The following ADAMTSL1 variants were observed in gnomAD, a reference collection of about 807,000 sequenced individuals.
The protein encoded by ADAMTSL1 is ADAMTS like 1, also known as ADAMTS-like protein 1.
Under a neutral mutation model 201.8 loss-of-function variants are expected in ADAMTSL1, and 126 were observed. That is an observed-to-expected ratio of 0.62 (90% CI 0.54 to 0.72). The LOEUF (loss-of-function observed/expected upper bound fraction) is 0.72, where lower values mean the gene tolerates loss of function less well. ADAMTSL1 is among the 30% of genes least tolerant of loss of function. ADAMTSL1 has a pLI of 0.00. For missense variants in ADAMTSL1, 2,679 were observed against 2,277.8 expected, an observed-to-expected ratio of 1.18 and a Z score of -3.59; for synonymous variants, 1,121 against 903.4, an observed-to-expected ratio of 1.24 and a Z score of -4.32.
At position 18,253,831 on chromosome 9, in the gene ADAMTSL1, A is replaced by C. The variant is rs569709714; in HGVS notation, c.207+89850A>C. Among the ~76,000 whole-genome samples the C allele has an allele frequency of 2.0e-5, 3 of 152,240 alleles. No individual in the cohort carries two copies. In the South Asian group the frequency reaches 6.2e-4, roughly 32 times the overall value. On this transcript the variant is annotated intron_variant, in intron 2 of 29. Transcript: ENST00000680146. ...CCACTAGAATCTTAGCTTCACACAC[A>C]CTACTAAAGCTGTAGTTCTTAGGTA...
intron 10 of ADAMTSL1, among the ~76,000 whole-genome samples, chr9:18,678,435 T>G (rs1407685710): frequency 1.3e-5 from 2 of 152,190 alleles, no homozygotes; most frequent in African/African-American, 4.8e-5. Context: ...AGTATTCACA[T>G]GATAATTTTC....
At chr9:18,368,725 T>A (rs1341696911) in intron 2 of ADAMTSL1, among the ~76,000 whole-genome samples, 1 of 152,242 alleles carries the variant, frequency 6.6e-6, no homozygotes, top group Non-Finnish European at 1.5e-5. Flanking sequence ...GTTAGAACCA[T>A]CATCCTGGAT....
chr9:18,747,120 T>G (rs1057287005), intron 15 of ADAMTSL1, among the ~76,000 whole-genome samples: 6 of 152,210 alleles, frequency 3.9e-5, no homozygotes, highest in Non-Finnish European at 8.8e-5. Context: ...ATTAATACTT[T>G]GTTCTATTGA....
intron 2 of ADAMTSL1, among the ~76,000 whole-genome samples, chr9:18,298,391 C>A (rs971749895): frequency 6.6e-6 from 1 of 152,032 alleles, no homozygotes; most frequent in Non-Finnish European, 1.5e-5. Flanking sequence ...TGTTCTTATC[C>A]AAAATGAAAG....
chr9:18,816,999 A>G, intron 20 of ADAMTSL1, 110 bp from the exon 21 acceptor site: 1 of 1,394,000 alleles, frequency 7.2e-7, no homozygotes, highest in Non-Finnish European at 9.5e-7. Context: ...GTTAGTGGCA[A>G]AAGTCTGGGT....
At chr9:18,396,613 T>C (rs918982611) in intron 2 of ADAMTSL1, among the ~76,000 whole-genome samples, 1 of 149,724 alleles carries the variant, frequency 6.7e-6, no homozygotes, top group African/African-American at 2.4e-5. Context: ...ATTTTTATAA[T>C]ATTATTTTTA....
rs985247654 is a variant in ADAMTSL1 at position 18,908,573 on chromosome 9, A to C, written c.*25A>C. On this transcript the variant is annotated 3_prime_UTR_variant, in exon 29 of 29. Transcript: ENST00000380548. The stretch of plus-strand genomic sequence containing the variant: ...AAGATAGGGTGTGGGGAAAAACTCT[A>C]CCCTGGCCACACGAAGGACTCACGC... The C allele has an allele frequency of 6.5e-7, 1 of 1,535,626 alleles. No individual in the cohort carries two copies. Among genetic ancestry groups the C allele is most frequent in the African/African-American group, 1.4e-5 (1 of 72,618 alleles).
chr9:18,533,116 C>T (rs1819545409), intron 2 of ADAMTSL1, 131 bp from the exon 3 acceptor site: 3 of 591,926 alleles, frequency 5.1e-6, no homozygotes, highest in Non-Finnish European at 8.5e-6. Flanking sequence ...AATAGTAAAC[C>T]CTCTAAGAAC....
At chr9:18,674,253 A>G (rs567857580) in intron 9 of ADAMTSL1, among the ~76,000 whole-genome samples, 1 of 151,950 alleles carries the variant, frequency 6.6e-6, no homozygotes, top group African/African-American at 2.4e-5. Flanking sequence ...TTTCTCACAC[A>G]AATGAATATA....
chr9:18,036,894 G>A (rs7034015), intron 1 of ADAMTSL1, among the ~76,000 whole-genome samples: 17,819 of 151,994 alleles, frequency 0.12, 1,622 homozygotes, highest in African/African-American at 0.25. Flanking sequence ...GCTATTTTCT[G>A]GTTGCCTAGA....
chr9:18,260,036 A>C (rs1190596292), intron 2 of ADAMTSL1, among the ~76,000 whole-genome samples: 1 of 152,188 alleles, frequency 6.6e-6, no homozygotes, highest in Non-Finnish European at 1.5e-5. Flanking sequence ...ACATTGAGAA[A>C]ACTGAGGCTG....
At chr9:18,704,265 TC>T (rs1832103616) in intron 13 of ADAMTSL1, among the ~76,000 whole-genome samples, 1 of 152,166 alleles carries the variant, frequency 6.6e-6, no homozygotes. Context: ...GTTCACGCAG[TC>T]CGCAAAATCT....
At chr9:18,423,611 G>A (rs780603865) in intron 2 of ADAMTSL1, among the ~76,000 whole-genome samples, 18 of 152,286 alleles carry the variant, frequency 1.2e-4, no homozygotes, top group East Asian at 5.8e-4. Context: ...CCCTACTAGC[G>A]AGGTAAGAAA....
At chr9:18,006,687 T>C (rs1473163971) in intron 1 of ADAMTSL1, among the ~76,000 whole-genome samples, 4 of 152,016 alleles carry the variant, frequency 2.6e-5, no homozygotes, top group African/African-American at 9.7e-5. Context: ...ATTGATTTGA[T>C]TAACTTCAGT....
At chr9:17,995,060 C>T (rs563151159) in intron 1 of ADAMTSL1, among the ~76,000 whole-genome samples, 1 of 152,092 alleles carries the variant, frequency 6.6e-6, no homozygotes, top group Non-Finnish European at 1.5e-5. Context: ...CTTAGCACTA[C>T]CTAGGGAGCT....
intron 1 of ADAMTSL1, among the ~76,000 whole-genome samples, chr9:17,915,745 G>A (rs1296453507): frequency 6.6e-6 from 1 of 152,088 alleles, no homozygotes; most frequent in Non-Finnish European, 1.5e-5. Flanking sequence ...ATTCAAACAG[G>A]TATAGTCATA....
At chr9:18,108,674 T>A (rs758173328) in intron 1 of ADAMTSL1, among the ~76,000 whole-genome samples, 1 of 152,180 alleles carries the variant, frequency 6.6e-6, no homozygotes. Flanking sequence ...AGAACTATTT[T>A]TTTTACTCTT....
At chr9:18,429,124 AAT>A (rs1333318997) in intron 2 of ADAMTSL1, among the ~76,000 whole-genome samples, 5 of 152,220 alleles carry the variant, frequency 3.3e-5, no homozygotes, top group African/African-American at 1.2e-4. Context: ...TATGTATATA[AAT>A]ATATATACAT....
At chr9:18,776,743 C>T in intron 18 of ADAMTSL1, 38 bp from the exon 19 acceptor site, 1 of 1,508,498 alleles carries the variant, frequency 6.6e-7, no homozygotes, top group Non-Finnish European at 8.8e-7. Context: ...TCTCTCCCCA[C>T]CTCTTTCTCT....
Sources: allele counts gnomAD v4.1 joint callset (sites outside exome capture counted in the v4.1 genomes callset), GRCh38; gene constraint gnomAD v4.1.1; transcripts MANE v1.5; gene names NCBI Gene and HGNC (gene_info 2026-07-23, HGNC 2026-07-21).